SLC35F5: variants seen among roughly 807,000 people sequenced by gnomAD.
The protein encoded by SLC35F5 is solute carrier family 35 member F5, also known as HCV NS5A-transactivated protein 3.
SLC35F5 carries 54 observed loss-of-function variants against 68.6 expected under a neutral mutation model. The observed-to-expected ratio is 0.79, with a 90% CI of 0.63 to 0.99. The LOEUF (loss-of-function observed/expected upper bound fraction) is 0.99, where lower values mean the gene tolerates loss of function less well. Ranked by LOEUF, SLC35F5 falls within the 50% of genes least tolerant of loss-of-function variation. SLC35F5 has a pLI of 0.00. For synonymous variants in SLC35F5, 211 were observed against 205.2 expected, an observed-to-expected ratio of 1.03 and a Z score of -0.24; for missense variants, 567 against 626.9, an observed-to-expected ratio of 0.90 and a Z score of 1.02.
rs781244250 is a variant in SLC35F5 at position 113,709,209 on chromosome 2, T to C, written c.*6009A>G. 4.6e-5 allele frequency among the ~76,000 whole-genome samples: 7 copies of C among 151,036 alleles called. No homozygotes were observed. The highest frequency in any genetic ancestry group is 1.0e-4 in the Non-Finnish European group (7 of 67,888). On this transcript the variant is annotated 3_prime_UTR_variant, in exon 16 of 16. Transcript: ENST00000245680. ...ATGTGGTGTCACTGTTATTCACTCT[T>C]TACAAAGCACTAAGTACACACAGGT...
chr2:113,755,829 T>G (rs1676961432), intron 1 of SLC35F5: 4 of 1,547,548 alleles, frequency 2.6e-6, no homozygotes, highest in Non-Finnish European at 2.6e-6. Context: ...CTTCTCTGAG[T>G]TTCACAAATA....
At position 113,734,677 on chromosome 2, in the gene SLC35F5, T is replaced by A. The variant is rs1380477448; in HGVS notation, c.833-4A>T. 41 of 1,566,586 alleles carry A rather than the reference T, an allele frequency of 2.6e-5. No individual in the cohort carries two copies. The highest frequency in any genetic ancestry group is 3.9e-4 in the Middle Eastern group (2 of 5,186). On this transcript the variant is annotated splice_region_variant and splice_polypyrimidine_tract_variant and intron_variant, in intron 8 of 15. Transcript: ENST00000245680. ...GCAAGGATTAAGGTAAAAAGTCCTA[T>A]GAGGAGAAAAGAATTTAAAAATGGT...
intron 1 of SLC35F5, 24 bp downstream of exon 1, chr2:113,756,346 C>T (rs927069993): frequency 6.4e-7 from 1 of 1,564,770 alleles, no homozygotes; most frequent in Non-Finnish European, 8.7e-7. Flanking sequence ...CCGGTGATGT[C>T]GGGGCCCTTC....
In SLC35F5 at chr2:113,708,721, T is replaced by C. The variant is rs766022823; in HGVS notation, c.*6497A>G. Reference sequence around the variant, plus strand: ...ACTCTGTCTCAAAAAAAATAAAAAATAAAAAATAAAATACTGCATAATTAC... The same window carrying C: ...ACTCTGTCTCAAAAAAAATAAAAAACAAAAAATAAAATACTGCATAATTAC... On this transcript the variant is annotated 3_prime_UTR_variant, in exon 16 of 16. Transcript: ENST00000245680. 6.6e-6 allele frequency among the ~76,000 whole-genome samples: 1 copy of C among 151,804 alleles called. No individual in the cohort carries two copies. Among genetic ancestry groups the C allele is most frequent in the African/African-American group, 2.4e-5 (1 of 41,256 alleles).
At chr2:113,704,175 A>G (rs1014271554), downstream of SLC35F5, 1 of 152,358 alleles carries the variant, frequency 6.6e-6, no homozygotes, top group African/African-American at 2.4e-5. Context: ...GCGAGTCGCC[A>G]CTGGGGGCTC....
At chr2:113,737,575 G>A (rs1359928766) in intron 7 of SLC35F5, among the ~76,000 whole-genome samples, 4 of 152,116 alleles carry the variant, frequency 2.6e-5, no homozygotes, top group Admixed American at 2.6e-4. Flanking sequence ...TAGCTTTCTT[G>A]ACCCACTTCT....
At chr2:113,755,081 G>A (rs2104497567) in intron 3 of SLC35F5, 84 bp downstream of exon 3, 1 of 1,361,370 alleles carries the variant, frequency 7.3e-7, no homozygotes, top group East Asian at 2.3e-5. Flanking sequence ...GAAAGCAGGA[G>A]ATTGTAACGG....
intron 8 of SLC35F5, 56 bp from the exon 9 acceptor site, chr2:113,734,729 T>C: frequency 1.9e-6 from 2 of 1,026,002 alleles, no homozygotes; most frequent in South Asian, 3.0e-5. Context: ...TGTCAACATT[T>C]TTACTACCAA....
In SLC35F5 at chr2:113,708,268, C is replaced by A. The variant is rs1686856427; in HGVS notation, c.*6950G>T. Among the ~76,000 whole-genome samples, 1 of 152,106 alleles carries A rather than the reference C, an allele frequency of 6.6e-6. No individual in the cohort carries two copies. The highest frequency in any genetic ancestry group is 2.1e-4 in the South Asian group (1 of 4,826). On this transcript the variant is annotated 3_prime_UTR_variant, in exon 16 of 16. Transcript: ENST00000245680. The stretch of plus-strand genomic sequence containing the variant: ...GATGGCTGGGGAAAGGTAAAAGAAC[C>A]CCGGTTGTGATTATTTTTTTCTAAC...
chr2:113,742,508 T>G, intron 7 of SLC35F5, 184 bp downstream of exon 7: 1 of 608,266 alleles, frequency 1.6e-6, no homozygotes, highest in Non-Finnish European at 2.9e-6. Flanking sequence ...TCTAACTCTT[T>G]GAGGTATATC....
chr2:113,718,863 GAAAAAGAA>G (rs1370554259), intron 14 of SLC35F5, among the ~76,000 whole-genome samples: 1 of 93,384 alleles, frequency 1.1e-5, no homozygotes, highest in African/African-American at 4.3e-5. Context: ...GAGAGAGAAA[GAAAAAGAA>G]AGAAAGAAAG....
At chr2:113,736,878 T>C (rs56335692) in intron 7 of SLC35F5, among the ~76,000 whole-genome samples, 1 of 152,038 alleles carries the variant, frequency 6.6e-6, no homozygotes, top group African/African-American at 2.4e-5. Context: ...GTTGGCAGGA[T>C]GTGTGTGTGT....
At chr2:113,748,836 T>TCC (rs1258981813) in intron 4 of SLC35F5, among the ~76,000 whole-genome samples, 1 of 71,646 alleles carries the variant, frequency 1.4e-5, no homozygotes, top group Non-Finnish European at 3.6e-5. Flanking sequence ...AGACGGAGTT[T>TCC]CACTGTCACC....
intron 10 of SLC35F5, 84 bp from the exon 11 acceptor site, chr2:113,729,589 T>C (rs1687805130): frequency 5.5e-6 from 4 of 726,378 alleles, no homozygotes; most frequent in Admixed American, 2.7e-5. Context: ...TCAGATAATA[T>C]TGCAAGAATA....
chr2:113,746,244 C>A, intron 5 of SLC35F5, 33 bp downstream of exon 5: 1 of 1,571,588 alleles, frequency 6.4e-7, no homozygotes, highest in South Asian at 1.1e-5. Flanking sequence ...TCAACCCCAC[C>A]TCTCTATTCC....
rs781702782 is a variant in SLC35F5, at chr2:113,712,754, T to C, written c.*2464A>G. On this transcript the variant is annotated 3_prime_UTR_variant, in exon 16 of 16. Coordinates refer to ENST00000245680, the MANE Select transcript of SLC35F5 (RefSeq NM_025181.5). ...TTTGAAACGTTATACAATAATGAGA[T>C]TTAAGTGATGAATGGAAAGAAAAGA... The C allele has an allele frequency of 3.3e-5, 5 of 152,320 alleles. No homozygotes were observed. The highest frequency in any genetic ancestry group is 7.3e-5 in the Non-Finnish European group (5 of 68,032). 9.4% of individuals were successfully genotyped at this position (152,320 alleles called of 1,614,324 possible). A position where few individuals can be genotyped will look rare whatever the true frequency, so the allele number is the denominator to read the frequency against.
At chr2:113,716,136 G>A (rs1317619533) in intron 15 of SLC35F5, among the ~76,000 whole-genome samples, 1 of 152,106 alleles carries the variant, frequency 6.6e-6, no homozygotes, top group Non-Finnish European at 1.5e-5. Context: ...AAAGTAGAGA[G>A]ATGAGAAAAT....
chr2:113,756,398 T>A lies in SLC35F5; in HGVS notation c.12A>T (p.Pro4=), dbSNP rs773030899. Residue 4 remains proline, a synonymous_variant, in exon 1 of 16, where the codon CCA becomes CCT. Coordinates refer to ENST00000245680, the MANE Select transcript of SLC35F5 (RefSeq NM_025181.5). MVP[P]RRHRGAGRPG... ...GCCTTCCTGCCCCGCGATGGCGTCGTGGCGGCACCATGAGCGGACCGGTCA... is the reference window on the plus strand; with the variant it reads ...GCCTTCCTGCCCCGCGATGGCGTCGAGGCGGCACCATGAGCGGACCGGTCA... 3.2e-6 allele frequency: 5 copies of A among 1,563,262 alleles called. No individual in the cohort carries two copies. Among genetic ancestry groups the A allele is most frequent in the Non-Finnish European group, 4.3e-6 (5 of 1,155,468 alleles).
chr2:113,729,373 T>C (rs201755018), intron 11 of SLC35F5, 28 bp downstream of exon 11: 5 of 1,184,958 alleles, frequency 4.2e-6, no homozygotes, highest in Non-Finnish European at 6.1e-6. Context: ...TTAGAGTAAA[T>C]AGCCTCCCAA....
Sources: allele counts gnomAD v4.1 joint callset (sites outside exome capture counted in the v4.1 genomes callset), GRCh38; gene constraint gnomAD v4.1.1; transcripts MANE v1.5; gene names NCBI Gene and HGNC (gene_info 2026-07-23, HGNC 2026-07-21).